KCNQ4: variants seen among roughly 807,000 people sequenced by gnomAD.
The protein encoded by KCNQ4 is potassium voltage-gated channel subfamily Q member 4, also known as potassium voltage-gated channel subfamily KQT member 4.
KCNQ4 carries 31 observed loss-of-function variants against 72.6 expected under a neutral mutation model. The ratio of observed to expected loss-of-function variants is 0.43; its 90% CI spans 0.32 to 0.58. The LOEUF is 0.58. Ranked by LOEUF, KCNQ4 falls within the 20% of genes least tolerant of loss-of-function variation. KCNQ4 has a pLI of 0.08. For synonymous variants in KCNQ4, 405 were observed against 403.7 expected, an observed-to-expected ratio of 1.00 and a Z score of -0.04; for missense variants, 869 against 962.6, an observed-to-expected ratio of 0.90 and a Z score of 1.29.
intron 1 of KCNQ4, among the ~76,000 whole-genome samples, chr1:40,797,542 G>A (rs1216349737): frequency 3.9e-5 from 6 of 152,236 alleles, no homozygotes; most frequent in Admixed American, 2.0e-4. Flanking sequence ...AGCTTCCTGA[G>A]AGGGTGATGG....
chr1:40,802,406 G>A (rs905639611), intron 1 of KCNQ4, among the ~76,000 whole-genome samples: 1 of 152,296 alleles, frequency 6.6e-6, no homozygotes, highest in South Asian at 2.1e-4. Flanking sequence ...CCGGCCGGGC[G>A]GGGGAGGCCG....
chr1:40,784,180 G>C lies in KCNQ4; in HGVS notation c.87G>C (p.Val29=). 8.9e-7 allele frequency: 1 copy of C among 1,126,036 alleles called. No homozygotes were observed. Among genetic ancestry groups the C allele is most frequent in the Non-Finnish European group, 1.1e-6 (1 of 916,834 alleles). The allele number at this position is 1,126,036 out of a possible 1,614,324, so 69.8% of individuals were successfully genotyped here. Residue 29 remains valine, a synonymous_variant, in exon 1 of 14, where the codon GTG becomes GTC. Coordinates refer to ENST00000347132, the MANE Select transcript of KCNQ4 (RefSeq NM_004700.4). This position sits in a 1 kb window ranked among gnomAD's most constrained non-coding sequence, Gnocchi z 4.1. ...CGGAGCTAGTGGCGCTCACGGCCGT[G>C]CAGAGCGAACAGGGCGAGGCGGGCG... The part of the protein sequence containing the change: ...PRAELVALTA[V]QSEQGEAGGG...
chr1:40,835,242 G>A (rs1224752916), intron 12 of KCNQ4, 144 bp downstream of exon 12: 3 of 1,095,850 alleles, frequency 2.7e-6, no homozygotes, highest in South Asian at 1.6e-5. Context: ...CTGGCTTGCA[G>A]TGCCAGCCTG....
rs1173441534 is a variant in KCNQ4, at chr1:40,838,305, C to G, written c.1876-6C>G. On this transcript the variant is annotated splice_region_variant and splice_polypyrimidine_tract_variant and intron_variant, in intron 13 of 13. Transcript: ENST00000347132. ...GCCCTGCTTCCCAGCTGCGCCCCGT[C>G]CCCAGGTGCAGTCCATCGAGCACAA... 2 of 1,612,642 alleles carry G rather than the reference C, an allele frequency of 1.2e-6. No homozygotes were observed. Among genetic ancestry groups the G allele is most frequent in the Non-Finnish European group, 1.7e-6 (2 of 1,179,598 alleles).
intron 1 of KCNQ4, among the ~76,000 whole-genome samples, chr1:40,792,281 C>T (rs959230831): frequency 6.6e-6 from 1 of 152,178 alleles, no homozygotes; most frequent in Admixed American, 6.5e-5. Context: ...CGCTACTGCC[C>T]GTCTTGGCCC....
chr1:40,799,040 G>A (rs1179185329), intron 1 of KCNQ4, among the ~76,000 whole-genome samples: 1 of 152,264 alleles, frequency 6.6e-6, no homozygotes, highest in African/African-American at 2.4e-5. Flanking sequence ...TAATCCAAGG[G>A]CTGCAGCCCT....
chr1:40,789,260 A>C (rs988546092), intron 1 of KCNQ4, among the ~76,000 whole-genome samples: 1 of 152,104 alleles, frequency 6.6e-6, no homozygotes, highest in Admixed American at 6.5e-5. Flanking sequence ...ACACCAAGAC[A>C]CAGAAAGGGG....
At chr1:40,838,184 G>A in intron 13 of KCNQ4, 127 bp from the exon 14 acceptor site, 1 of 826,898 alleles carries the variant, frequency 1.2e-6, no homozygotes, top group South Asian at 1.4e-5. Flanking sequence ...TTCCAGGCGG[G>A]ATTTGTGCTT....
chr1:40,836,417 A>G (rs1648807292), intron 12 of KCNQ4, among the ~76,000 whole-genome samples: 1 of 152,212 alleles, frequency 6.6e-6, no homozygotes, highest in Non-Finnish European at 1.5e-5. Context: ...TGTGATGCCT[A>G]TCTGACATTC....
intron 5 of KCNQ4, 132 bp from the exon 6 acceptor site, chr1:40,819,743 T>C: frequency 1.2e-6 from 1 of 853,612 alleles, no homozygotes. Context: ...AATCCATCTA[T>C]GACCCTAACC....
intron 10 of KCNQ4, among the ~76,000 whole-genome samples, chr1:40,831,693 A>G (rs2148330279): frequency 6.6e-6 from 1 of 152,352 alleles, no homozygotes; most frequent in Non-Finnish European, 1.5e-5. Context: ...TGAGGATTAA[A>G]TGAGATAATC....
Position 40,818,635 on chromosome 1 carries a change from C to G in KCNQ4, c.663C>G (p.Gly221=), listed in dbSNP as rs754136888. Residue 221 remains glycine (G), a synonymous_variant, in exon 4 of 14, where the codon GGC becomes GGG. Coordinates refer to ENST00000347132, the MANE Select transcript of KCNQ4 (RefSeq NM_004700.4). ...GCATGGTGCGCATGGACCGCCGCGGCGGCACCTGGAAGCTGCTGGGCTCAG... is the reference window on the plus strand; with the variant it reads ...GCATGGTGCGCATGGACCGCCGCGGGGGCACCTGGAAGCTGCTGGGCTCAG... ...ILRMVRMDRR[G]GTWKLLGSVV... is the part of the protein sequence containing the mutation. 1 of 1,606,610 alleles carries G rather than the reference C, an allele frequency of 6.2e-7. No homozygotes were observed. Among genetic ancestry groups the G allele is most frequent in the South Asian group, 1.1e-5 (1 of 90,932 alleles).
At chr1:40,827,044 CT>C (rs1012513085) in intron 9 of KCNQ4, among the ~76,000 whole-genome samples, 7 of 152,230 alleles carry the variant, frequency 4.6e-5, no homozygotes, top group African/African-American at 7.2e-5. Flanking sequence ...CTCACTCTGA[CT>C]TTTGCCAGGC....
At chr1:40,838,088 G>A (rs1279366204) in intron 13 of KCNQ4, among the ~76,000 whole-genome samples, 2 of 151,910 alleles carry the variant, frequency 1.3e-5, no homozygotes, top group East Asian at 1.9e-4. Context: ...GTAGCTCGCG[G>A]ACTATCCCCA....
At chr1:40,785,457 T>G (rs1647193113) in intron 1 of KCNQ4, among the ~76,000 whole-genome samples, 1 of 151,982 alleles carries the variant, frequency 6.6e-6, no homozygotes, top group Non-Finnish European at 1.5e-5. Context: ...GGCGCTGGGG[T>G]CTCCTGGGTG....
intron 1 of KCNQ4, among the ~76,000 whole-genome samples, chr1:40,793,474 G>T (rs1464017404): frequency 6.6e-6 from 1 of 151,954 alleles, no homozygotes; most frequent in African/African-American, 2.4e-5. Context: ...CGACATCAGG[G>T]GTCACCCCTA....
intron 1 of KCNQ4, among the ~76,000 whole-genome samples, chr1:40,816,816 T>C (rs1648098649): frequency 6.6e-6 from 1 of 152,224 alleles, no homozygotes; most frequent in East Asian, 1.9e-4. Context: ...TCCTGCCACT[T>C]TGGAGTGCAT....
At chr1:40,808,016 C>T (rs982020026) in intron 1 of KCNQ4, among the ~76,000 whole-genome samples, 16 of 149,574 alleles carry the variant, frequency 1.1e-4, no homozygotes, top group Non-Finnish European at 1.0e-4. Flanking sequence ...CTGAGGCAGG[C>T]AGATTTCTTG....
In KCNQ4 at chr1:40,835,112, G is replaced by T. The variant is rs551923310; in HGVS notation, c.1745+14G>T. On this transcript the variant is annotated intron_variant, in intron 12 of 13. Coordinates refer to ENST00000347132, the MANE Select transcript of KCNQ4 (RefSeq NM_004700.4). ...CCTGCAAACTCGGTGGGTGCACCGG[G>T]CCTGTTGGGAGGCAGGGGCAGGGAG... 2 of 1,611,018 alleles carry T rather than the reference G, an allele frequency of 1.2e-6. No individual in the cohort carries two copies. Among genetic ancestry groups the T allele is most frequent in the African/African-American group, 2.7e-5 (2 of 74,958 alleles).
Sources: gnomAD v4.1 joint callset for allele counts (sites outside exome capture counted in the v4.1 genomes callset) on GRCh38, gnomAD v4.1.1 for gene constraint, Gnocchi (gnomAD v3.1) non-coding constraint, MANE v1.5 for transcripts, NCBI Gene and HGNC (gene_info 2026-07-23, HGNC 2026-07-21) for gene names.